IL1RAPL2: variants seen among roughly 807,000 people sequenced by gnomAD.
IL1RAPL2 encodes X-linked interleukin-1 receptor accessory protein-like 2.
A neutral mutation model predicts 44.1 loss-of-function variants in IL1RAPL2; 3 were observed. The observed-to-expected ratio is 0.07, with a 90% CI of 0.03 to 0.18. The LOEUF is 0.18. Ranked by LOEUF, IL1RAPL2 falls within the 10% of genes least tolerant of loss-of-function variation. IL1RAPL2 has a pLI of 1.00. For synonymous variants in IL1RAPL2, 181 were observed against 178.8 expected (o/e 1.01, Z -0.10); for missense variants, 391 against 496.4 (o/e 0.79, Z 2.02).
intron 2 of IL1RAPL2, among the ~76,000 whole-genome samples, chrX:104,740,604 C>G (rs918998147): frequency 9.0e-6 from 1 of 110,598 alleles, no homozygotes; most frequent in Non-Finnish European, 1.9e-5. Context: ...TTTTTCTTTT[C>G]TTTTTTTCAT....
intron 5 of IL1RAPL2, among the ~76,000 whole-genome samples, chrX:105,336,522 A>C (rs919916311): frequency 8.9e-6 from 1 of 112,104 alleles, no homozygotes; most frequent in Non-Finnish European, 1.9e-5. Context: ...TCTGCTCCTT[A>C]GTCATAGATG....
At chrX:105,387,525 G>T (rs761315459) in intron 5 of IL1RAPL2, among the ~76,000 whole-genome samples, 42 of 109,852 alleles carry the variant, frequency 3.8e-4, no homozygotes, top group Non-Finnish European at 6.1e-4. Context: ...GAGCCACCGC[G>T]CCTGGCCTCC....
intron 2 of IL1RAPL2, among the ~76,000 whole-genome samples, chrX:105,101,791 C>T (rs986987611): frequency 2.7e-5 from 3 of 111,777 alleles, no homozygotes; most frequent in Non-Finnish European, 5.6e-5. Flanking sequence ...AAAGACATTG[C>T]TTCTGTTAAA....
intron 1 of IL1RAPL2, among the ~76,000 whole-genome samples, chrX:104,578,235 C>T (rs1279461155): frequency 1.8e-5 from 2 of 111,656 alleles, no homozygotes; most frequent in Admixed American, 9.5e-5. Flanking sequence ...TGAGGGTGGG[C>T]ACATCTTGTG....
chrX:105,625,196 G>A (rs987929968), intron 6 of IL1RAPL2, among the ~76,000 whole-genome samples: 5 of 111,835 alleles, frequency 4.5e-5, no homozygotes, highest in African/African-American at 1.3e-4. Flanking sequence ...TAGTGATAAA[G>A]GTTCCTAATC....
intron 2 of IL1RAPL2, among the ~76,000 whole-genome samples, chrX:105,185,155 G>A: frequency 9.0e-6 from 1 of 111,353 alleles, no homozygotes; most frequent in East Asian, 2.8e-4. Flanking sequence ...ACTTATCTAT[G>A]TATATAAGAG....
chrX:105,746,026 A>T (rs2147580688), intron 8 of IL1RAPL2, among the ~76,000 whole-genome samples: 1 of 111,857 alleles, frequency 8.9e-6, no homozygotes, highest in South Asian at 3.7e-4. Flanking sequence ...AGGTTACAAC[A>T]TATGCATTTT....
intron 1 of IL1RAPL2, among the ~76,000 whole-genome samples, chrX:104,649,052 A>G (rs1424065885): frequency 9.0e-6 from 1 of 110,505 alleles, no homozygotes; most frequent in Non-Finnish European, 1.9e-5. Context: ...CTCCACTTCT[A>G]ATTTTTTCTC....
intron 2 of IL1RAPL2, among the ~76,000 whole-genome samples, chrX:104,959,544 G>A (rs1368200353): frequency 9.0e-6 from 1 of 111,293 alleles, no homozygotes; most frequent in Non-Finnish European, 1.9e-5. Context: ...TTTTTTCTAA[G>A]GGCTGTCAGG....
intron 2 of IL1RAPL2, among the ~76,000 whole-genome samples, chrX:104,678,226 C>T (rs1000322974): frequency 2.7e-5 from 3 of 112,514 alleles, no homozygotes; most frequent in African/African-American, 9.7e-5. Flanking sequence ...AAGTACCTTC[C>T]TGCAATCTAG....
intron 2 of IL1RAPL2, among the ~76,000 whole-genome samples, chrX:104,894,782 A>C (rs112668037): frequency 8.9e-6 from 1 of 112,250 alleles, no homozygotes; most frequent in Non-Finnish European, 1.9e-5. Flanking sequence ...TTCTTGTCTC[A>C]ACTCATCAAA....
chrX:105,237,324 T>C (rs782753229), intron 4 of IL1RAPL2, among the ~76,000 whole-genome samples: 1 of 112,177 alleles, frequency 8.9e-6, no homozygotes, highest in African/African-American at 3.2e-5. Context: ...TGTGTCTTTA[T>C]AGCTGCATGA....
intron 2 of IL1RAPL2, among the ~76,000 whole-genome samples, chrX:105,151,121 C>T (rs1400544626): frequency 8.9e-6 from 1 of 111,868 alleles, no homozygotes; most frequent in Non-Finnish European, 1.9e-5. Context: ...GAAATCTCAT[C>T]GTGTCCCTGA....
At chrX:105,272,633 A>C (rs978047204) in intron 5 of IL1RAPL2, among the ~76,000 whole-genome samples, 1 of 112,518 alleles carries the variant, frequency 8.9e-6, no homozygotes, top group Admixed American at 9.4e-5. Context: ...AAATACTTCA[A>C]AGATTTGCTG....
chrX:105,720,268 G>T (rs1162768742), intron 7 of IL1RAPL2, among the ~76,000 whole-genome samples: 1 of 99,128 alleles, frequency 1.0e-5, no homozygotes, highest in Non-Finnish European at 2.0e-5. Context: ...TGTAAGGGCG[G>T]ATTGATATAT....
intron 3 of IL1RAPL2, among the ~76,000 whole-genome samples, chrX:105,229,929 C>T (rs1212449754): frequency 9.0e-6 from 1 of 111,680 alleles, no homozygotes; most frequent in Non-Finnish European, 1.9e-5. Flanking sequence ...TCTGGAGTAG[C>T]TGGGACCACA....
rs765855238 is a variant in IL1RAPL2 at position 104,774,546 on chromosome X, C to T, written c.82+115551C>T. 6.3e-5 allele frequency among the ~76,000 whole-genome samples: 7 copies of T among 111,616 alleles called. No individual in the cohort carries two copies. In the South Asian group the frequency reaches 2.6e-3, roughly 42 times the overall value. ...TCTGAATGATAGAATGTGGATTTAG[C>T]TTCTCCCTAGAATCCAAACCATATT... On this transcript the variant is annotated intron_variant, in intron 2 of 10. Transcript: ENST00000372582.
intron 2 of IL1RAPL2, among the ~76,000 whole-genome samples, chrX:104,666,586 T>A (rs778005486): frequency 1.8e-5 from 2 of 112,337 alleles, no homozygotes; most frequent in Non-Finnish European, 3.8e-5. Flanking sequence ...AATGAGCTCC[T>A]TTCTACTCTG....
intron 2 of IL1RAPL2, among the ~76,000 whole-genome samples, chrX:105,174,028 C>A (rs182977177): frequency 4.5e-5 from 5 of 111,376 alleles, no homozygotes; most frequent in African/African-American, 1.6e-4. Context: ...TCACTGCACC[C>A]AGCCTCTAAC....
Sources: allele counts gnomAD v4.1 joint callset (sites outside exome capture counted in the v4.1 genomes callset), GRCh38; gene constraint gnomAD v4.1.1; transcripts MANE v1.5; gene names NCBI Gene and HGNC (gene_info 2026-07-23, HGNC 2026-07-21).